BBX: variants seen among roughly 807,000 people sequenced by gnomAD.
The protein encoded by BBX is BBX high mobility group box domain containing.
BBX carries 30 observed loss-of-function variants against 100.2 expected under a neutral mutation model. The ratio of observed to expected loss-of-function variants is 0.30; its 90% CI spans 0.22 to 0.41. The LOEUF (loss-of-function observed/expected upper bound fraction) is 0.41. Ranked by LOEUF, BBX falls within the 10% of genes least tolerant of loss-of-function variation. The probability of loss-of-function intolerance (pLI) is 1.00; values close to 1 mark genes in which losing one functional copy is unlikely to be tolerated. For synonymous variants in BBX, 376 were observed against 388.1 expected, an observed-to-expected ratio of 0.97 and a Z score of 0.37; for missense variants, 1,023 against 1,129.8, an observed-to-expected ratio of 0.91 and a Z score of 1.35.
At chr3:107,674,373 C>T (rs1393223249) in intron 3 of BBX, among the ~76,000 whole-genome samples, 2 of 152,032 alleles carry the variant, frequency 1.3e-5, no homozygotes, top group African/African-American at 4.8e-5. Flanking sequence ...ACAGATTATT[C>T]CAGGCGTTTA....
intron 7 of BBX, among the ~76,000 whole-genome samples, chr3:107,744,277 G>A (rs1477252937): frequency 6.6e-6 from 1 of 151,996 alleles, no homozygotes; most frequent in Non-Finnish European, 1.5e-5. Flanking sequence ...AATAAAGATG[G>A]GATTTTTTAG....
intron 2 of BBX, among the ~76,000 whole-genome samples, chr3:107,625,510 C>T (rs1259626500): frequency 6.6e-6 from 1 of 152,168 alleles, no homozygotes; most frequent in Non-Finnish European, 1.5e-5. Context: ...TCTCGAACTC[C>T]TGGCCTCAAG....
At chr3:107,645,403 C>A (rs1293043519) in intron 2 of BBX, among the ~76,000 whole-genome samples, 1 of 152,118 alleles carries the variant, frequency 6.6e-6, no homozygotes, top group Non-Finnish European at 1.5e-5. Flanking sequence ...AAAGGCAAAT[C>A]ATAAGTATTA....
In BBX at chr3:107,772,648, G is replaced by C. The variant is rs1160894713; in HGVS notation, c.927G>C (p.Gly309=). The C allele has an allele frequency of 1.3e-6, 2 of 1,591,412 alleles. No individual in the cohort carries two copies. Among genetic ancestry groups the C allele is most frequent in the East Asian group, 4.5e-5 (2 of 44,720 alleles). ...TTTAGATGTGCCTGGCATCAGAAGG[G>C]ATGAAAATGGAAGAATCAAAGCTAA... ...QLAEMCLASE[G]MKMEESKLIK... The change falls in exon 11 of 18, where the codon GGG becomes GGC. Residue 309 remains glycine (G), a synonymous_variant. Transcript: ENST00000325805.
chr3:107,692,067 T>G (rs1319929645), intron 3 of BBX, among the ~76,000 whole-genome samples: 1 of 152,100 alleles, frequency 6.6e-6, no homozygotes, highest in Non-Finnish European at 1.5e-5. Flanking sequence ...TTCCAATCAG[T>G]GATACAGACT....
intron 16 of BBX, 103 bp downstream of exon 16, chr3:107,798,823 T>C (rs933580294): frequency 6.1e-6 from 6 of 988,732 alleles, no homozygotes; most frequent in East Asian, 5.6e-5. Flanking sequence ...ACACTAACAA[T>C]AGCCAATGAG....
At chr3:107,536,007 A>G (rs2107332340) in intron 2 of BBX, among the ~76,000 whole-genome samples, 1 of 152,358 alleles carries the variant, frequency 6.6e-6, no homozygotes, top group Non-Finnish European at 1.5e-5. Context: ...TTAGCTTTGA[A>G]AGGCAGTTCC....
intron 13 of BBX, among the ~76,000 whole-genome samples, chr3:107,783,810 T>G (rs952162869): frequency 2.0e-5 from 3 of 152,108 alleles, no homozygotes; most frequent in Non-Finnish European, 4.4e-5. Context: ...TTAAATTTAT[T>G]TTCTTTTCTC....
chr3:107,711,954 T>G (rs930806198), intron 4 of BBX, among the ~76,000 whole-genome samples: 14 of 152,222 alleles, frequency 9.2e-5, no homozygotes, highest in African/African-American at 3.4e-4. Flanking sequence ...TCACTGTAGC[T>G]TCCATCCACC....
intron 4 of BBX, 34 bp from the exon 5 acceptor site, chr3:107,716,573 G>A: frequency 6.3e-7 from 1 of 1,599,592 alleles, no homozygotes; most frequent in East Asian, 2.2e-5. Flanking sequence ...TCCAAAATAT[G>A]TTAAAGATCT....
intron 2 of BBX, among the ~76,000 whole-genome samples, chr3:107,565,477 T>G (rs556213143): frequency 6.8e-6 from 1 of 147,848 alleles, no homozygotes; most frequent in African/African-American, 2.5e-5. Flanking sequence ...ATTTATTTAT[T>G]TATGTATGTT....
intron 2 of BBX, among the ~76,000 whole-genome samples, chr3:107,570,162 A>G (rs1255237073): frequency 6.6e-6 from 1 of 152,142 alleles, no homozygotes; most frequent in Non-Finnish European, 1.5e-5. Flanking sequence ...AGGCGTTATG[A>G]AGTTCTTGTG....
At chr3:107,684,968 A>G (rs1256871983) in intron 3 of BBX, among the ~76,000 whole-genome samples, 5 of 152,168 alleles carry the variant, frequency 3.3e-5, no homozygotes, top group Non-Finnish European at 7.4e-5. Flanking sequence ...CAACTGAATT[A>G]CATATTTTAG....
intron 2 of BBX, among the ~76,000 whole-genome samples, chr3:107,565,343 T>G (rs1463380790): frequency 1.3e-5 from 2 of 151,730 alleles, no homozygotes; most frequent in Non-Finnish European, 2.9e-5. Context: ...TTCTAATATG[T>G]TGATTGTTTT....
At chr3:107,643,608 G>T (rs1236562672) in intron 2 of BBX, among the ~76,000 whole-genome samples, 1 of 151,952 alleles carries the variant, frequency 6.6e-6, no homozygotes, top group Non-Finnish European at 1.5e-5. Context: ...CTGCCCAGGC[G>T]TTGGTCTCAG....
chr3:107,782,301 T>C (rs1205401283), intron 13 of BBX, among the ~76,000 whole-genome samples: 1 of 149,450 alleles, frequency 6.7e-6, no homozygotes, highest in Non-Finnish European at 1.5e-5. Context: ...TGCTATAAAT[T>C]ATTGCATAGG....
intron 2 of BBX, among the ~76,000 whole-genome samples, chr3:107,639,576 C>T (rs761529155): frequency 1.3e-5 from 2 of 152,060 alleles, no homozygotes; most frequent in Non-Finnish European, 2.9e-5. Context: ...CTTAAATGTG[C>T]GATATCCCAT....
chr3:107,634,427 GGA>G (rs1178174117), intron 2 of BBX, among the ~76,000 whole-genome samples: 1 of 152,198 alleles, frequency 6.6e-6, no homozygotes, highest in Non-Finnish European at 1.5e-5. Flanking sequence ...AGAGAGGACT[GGA>G]GTATGGAGAC....
chr3:107,761,049 G>A (rs2065860289), intron 10 of BBX, among the ~76,000 whole-genome samples: 2 of 152,112 alleles, frequency 1.3e-5, no homozygotes, highest in Admixed American at 6.5e-5. Context: ...CCCTCAGTCT[G>A]AGGCCAACAG....
Sources: allele counts gnomAD v4.1 joint callset (sites outside exome capture counted in the v4.1 genomes callset), GRCh38; gene constraint gnomAD v4.1.1; transcripts MANE v1.5; gene names NCBI Gene and HGNC (gene_info 2026-07-23, HGNC 2026-07-21).